The following TRO variants were observed in gnomAD, a reference collection of about 807,000 sequenced individuals.
The protein encoded by TRO is trophinin.
In TRO, 29 loss-of-function variants were observed where a neutral mutation model predicts 42.3. The observed-to-expected ratio is 0.68, with a 90% CI of 0.51 to 0.93. The LOEUF is 0.93. Ranked by LOEUF, TRO falls within the 40% of genes least tolerant of loss-of-function variation. The pLI is 0.00. For missense variants in TRO, 963 were observed against 1,127.7 expected, an observed-to-expected ratio of 0.85 and a Z score of 2.09; for synonymous variants, 384 against 425.2, an observed-to-expected ratio of 0.90 and a Z score of 1.19.
In TRO at chrX:54,923,475, G is replaced by C. The variant is rs374714494; in HGVS notation, c.943G>C (p.Glu315Gln). 1.7e-5 allele frequency: 20 copies of C among 1,185,280 alleles called. No individual in the cohort carries two copies. In the East Asian group the frequency reaches 1.9e-4, roughly 11 times the overall value. ...AASRGPNSVS[E>Q]ISEAPLATQI... is the part of the protein sequence containing the mutation. ...CAGCAGGGGCCCAAATTCTGTCTCT[G>C]AGATCTCTGAGGCCCCACTTGCCAC... is the stretch of plus-strand genomic sequence containing the variant. Residue 315 changes from glutamate (E) to glutamine (Q), a missense_variant, in exon 3 of 13, where the codon GAG becomes CAG. Transcript: ENST00000173898.
chrX:54,926,083 G>C (rs1441030939), intron 7 of TRO, among the ~76,000 whole-genome samples: 2 of 112,372 alleles, frequency 1.8e-5, no homozygotes, highest in Non-Finnish European at 3.8e-5. Context: ...GGTTCTGGGA[G>C]AGAAAGAAGG....
In TRO at chrX:54,925,603, C is replaced by A; in HGVS notation, c.1497C>A (p.Val499=). ...CTTTTACTTGGCAGATGTTTCGAGT[C>A]AATCTGAAAGAAATTGATAAGCAAA... ...ASYTLEKMFR[V]NLKEIDKQSS... The change falls in exon 7 of 13, where the codon GTC becomes GTA. Residue 499 remains valine (V), a synonymous_variant. Coordinates refer to ENST00000173898, the MANE Select transcript of TRO (RefSeq NM_001039705.3). The A allele has an allele frequency of 4.1e-6, 5 of 1,209,453 alleles. No homozygotes were observed. The highest frequency in any genetic ancestry group is 5.6e-6 in the Non-Finnish European group (5 of 893,922).
chrX:54,924,460 C>T lies in TRO; in HGVS notation c.1246C>T (p.Leu416=). 8.3e-7 allele frequency: 1 copy of T among 1,204,983 alleles called. No homozygotes were observed. Among genetic ancestry groups the T allele is most frequent in the Non-Finnish European group, 1.1e-6 (1 of 892,369 alleles). ...CTTTCTGATGATGAAGTCCAAGCAT[C>T]TGAATGGGGATGAGAGAAGTGGCAG... ...RGKRNRKSKH[L]NGDERSGSNY... is the part of the protein sequence containing the mutation. Residue 416 remains leucine (L), a synonymous_variant, in exon 4 of 13, where the codon CTG becomes TTG. Transcript: ENST00000173898.
Position 54,930,682 on chromosome X carries a change from G to A in TRO, c.3958G>A (p.Gly1320Ser), listed in dbSNP as rs760029986. ...SGGLSTSDGF[G>S]SRPNASFDRG... ...TGGCCTCAGCACCAGCGATGGCTTT[G>A]GCAGTAGGCCTAATGCCAGCTTCGA... Residue 1320 changes from glycine (G) to serine (S), a missense_variant, in exon 12 of 13, where the codon GGC becomes AGC. Gly to Ser is a moderately conservative substitution (Grantham distance 56). Transcript: ENST00000173898. The A allele has an allele frequency of 2.5e-6, 3 of 1,212,229 alleles. No individual in the cohort carries two copies. The East Asian group carries it at 8.9e-5, about 36-fold the overall frequency.
At chrX:54,924,313 G>C (rs1426087298) in intron 3 of TRO, 138 bp from the exon 4 acceptor site, 3 of 543,103 alleles carry the variant, frequency 5.5e-6, no homozygotes, top group Non-Finnish European at 5.9e-6. Flanking sequence ...CCAATGGCAA[G>C]GTCAGGATCA....
intron 3 of TRO, 96 bp from the exon 4 acceptor site, chrX:54,924,355 T>G: frequency 1.2e-6 from 1 of 814,512 alleles, no homozygotes; most frequent in Non-Finnish European, 1.7e-6. Context: ...AGGGAGGGGG[T>G]TAGAGGGACT....
chrX:54,926,533 A>C (rs1489844524), intron 8 of TRO, 44 bp downstream of exon 8: 23 of 1,206,400 alleles, frequency 1.9e-5, no homozygotes, highest in Non-Finnish European at 2.4e-5. Flanking sequence ...CATGGTCTGG[A>C]TTCCATGTGT....
intron 2 of TRO, 26 bp from the exon 3 acceptor site, chrX:54,922,552 A>G (rs777554467): frequency 1.7e-6 from 2 of 1,177,796 alleles, no homozygotes; most frequent in Non-Finnish European, 1.1e-6. Context: ...CAAATGGCCC[A>G]GAGGATGGTA....
In TRO at chrX:54,923,700, G is replaced by A. The variant is rs771034490; in HGVS notation, c.1168G>A (p.Ala390Thr). Reference protein sequence around the residue: ...TQVAAAVQALADDYLAQLSLE... With the variant: ...TQVAAAVQALTDDYLAQLSLE... ...GGTTGCTGCTGCTGTCCAGGCCCTG[G>A]CAGATGACTATCTGGCTCAGTTGAG... Residue 390 changes from alanine (A) to threonine (T), a missense_variant, in exon 3 of 13, where the codon GCA (alanine) becomes ACA (threonine). This residue lies in a region of TRO where 322 missense variants were observed against 316.5 expected (regional missense o/e 1.02). Transcript: ENST00000173898. The A allele has an allele frequency of 6.6e-6, 8 of 1,211,410 alleles. No individual in the cohort carries two copies. Among genetic ancestry groups the A allele is most frequent in the Non-Finnish European group, 8.9e-6 (8 of 895,227 alleles).
chrX:54,928,896 C>T lies in TRO; in HGVS notation c.2172C>T (p.Ser724=). Reference sequence around the variant, plus strand: ...ATGCCAGCACCAACGTCAACTTCAGCAGAGGAGCTAGTACCAGGGCTGGCT... The same window carrying T: ...ATGCCAGCACCAACGTCAACTTCAGTAGAGGAGCTAGTACCAGGGCTGGCT... ...NADASTNVNF[S]RGASTRAGFS... Residue 724 remains serine, a synonymous_variant, in exon 12 of 13, where the codon AGC becomes AGT. Transcript: ENST00000173898. 1 of 1,211,460 alleles carries T rather than the reference C, an allele frequency of 8.3e-7. No homozygotes were observed. The highest frequency in any genetic ancestry group is 3.0e-5 in the East Asian group (1 of 33,858).
At chrX:54,921,802 G>C (rs1451202463) in intron 1 of TRO, among the ~76,000 whole-genome samples, 1 of 110,050 alleles carries the variant, frequency 9.1e-6, no homozygotes, top group Non-Finnish European at 1.9e-5. Context: ...AGTGGGTCGG[G>C]GTGGCGCCAA....
chrX:54,928,634 T>C lies in TRO; in HGVS notation c.1910T>C (p.Val637Ala). 8.5e-7 allele frequency: 1 copy of C among 1,180,824 alleles called. No individual in the cohort carries two copies. Residue 637 changes from valine (V) to alanine (A), a missense_variant, in exon 12 of 13, where the codon GTG (valine) becomes GCG (alanine). Transcript: ENST00000173898. The part of the protein sequence containing the change: ...VQKKDPKDWA[V>A]QYREAVEMEV... ...AAGAAAGACCCCAAGGACTGGGCTG[T>C]GCAGTACCGCGAGGCAGTGGAGATG...
Position 54,928,655 on chromosome X carries a change from A to G in TRO, c.1931A>G (p.Glu644Gly). ...DWAVQYREAV[E>G]MEVQAAAVAV... ...GCTGTGCAGTACCGCGAGGCAGTGG[A>G]GATGGAAGTCCAAGCTGCAGCTGTG... The change falls in exon 12 of 13, where the codon GAG (glutamate) becomes GGG (glycine). Residue 644 changes from glutamate (E) to glycine (G), a missense_variant. Physicochemically the swap from Glu to Gly is moderately conservative, Grantham distance 98. Coordinates refer to ENST00000173898, the MANE Select transcript of TRO (RefSeq NM_001039705.3). 1 of 1,196,628 alleles carries G rather than the reference A, an allele frequency of 8.4e-7. No homozygotes were observed. Among genetic ancestry groups the G allele is most frequent in the East Asian group, 3.0e-5 (1 of 33,741 alleles).
In TRO at chrX:54,923,046, G is replaced by C. The variant is rs775872986; in HGVS notation, c.514G>C (p.Val172Leu). The C allele has an allele frequency of 2.5e-6, 3 of 1,211,896 alleles. No homozygotes were observed. In the Admixed American group the frequency reaches 6.5e-5, roughly 26 times the overall value. The change falls in exon 3 of 13, where the codon GTC becomes CTC. Residue 172 changes from valine (V) to leucine (L), a missense_variant. Physicochemically the swap from Val to Leu is conservative, Grantham distance 32. Around this residue, in one of 2 missense-constraint regions of TRO, gnomAD observed 322 missense variants for 316.5 expected, o/e 1.02. Transcript: ENST00000173898. ...TATACAGCTGAAGTCACCCTTGCAG[G>C]TCCTAAAGCTACCAGTCATCTCACA... ...GTIQLKSPLQ[V>L]LKLPVISQNI...
rs1932263359 is a variant in TRO at position 54,922,877 on chromosome X, C to G, written c.345C>G (p.Ile115Met). ...TAAACCTGCCAGTCATTACCCAGAT[C>G]AGCCAGGCTTTACCTACCACTGAGG... ...QALNLPVITQISQALPTTEVT... is the reference protein window; with the variant it reads ...QALNLPVITQMSQALPTTEVT... Residue 115 changes from isoleucine (I) to methionine (M), a missense_variant, in exon 3 of 13, where the codon ATC becomes ATG. Physicochemically the swap from Ile to Met is conservative, Grantham distance 10. Transcript: ENST00000173898. The G allele has an allele frequency of 8.3e-7, 1 of 1,210,087 alleles. No homozygotes were observed. Among genetic ancestry groups the G allele is most frequent in the African/African-American group, 1.7e-5 (1 of 57,251 alleles).
chrX:54,927,012 T>C (rs755657130), intron 9 of TRO, 31 bp from the exon 10 acceptor site: 29 of 1,207,273 alleles, frequency 2.4e-5, no homozygotes, highest in Non-Finnish European at 3.1e-5. Flanking sequence ...AGTTCTGATC[T>C]GTGTTCATGG....
chrX:54,927,291 A>G (rs1932798975), intron 10 of TRO, 186 bp downstream of exon 10: 5 of 530,402 alleles, frequency 9.4e-6, no homozygotes, highest in African/African-American at 6.8e-5. Context: ...GACTCAACAC[A>G]AGGCCCTTGC....
chrX:54,927,397 A>T, intron 10 of TRO: 1 of 484,888 alleles, frequency 2.1e-6, no homozygotes, highest in East Asian at 3.4e-5. Flanking sequence ...AGGTGGCATG[A>T]TACTTTGGCC....
chrX:54,927,901 G>C, intron 11 of TRO, 120 bp downstream of exon 11: 2 of 496,973 alleles, frequency 4.0e-6, no homozygotes, highest in Non-Finnish European at 6.7e-6. Context: ...TAAACATGTG[G>C]AGCCTCCTTT....
Sources: gnomAD v4.1 joint callset for allele counts (sites outside exome capture counted in the v4.1 genomes callset) on GRCh38, gnomAD v4.1.1 for gene constraint, gnomAD v4.1.1 regional missense constraint, MANE v1.5 for transcripts, NCBI Gene and HGNC (gene_info 2026-07-23, HGNC 2026-07-21) for gene names.